KDM7A: variants seen among roughly 807,000 people sequenced by gnomAD.
The protein encoded by KDM7A is lysine demethylase 7A, also known as lysine-specific demethylase 7A.
A neutral mutation model predicts 114.8 loss-of-function variants in KDM7A; 28 were observed. That is an observed-to-expected ratio of 0.24 (90% confidence interval 0.18 to 0.33). The LOEUF (loss-of-function observed/expected upper bound fraction) is 0.33. Ranked by LOEUF, KDM7A falls within the 10% of genes least tolerant of loss-of-function variation. The pLI, the probability that KDM7A is intolerant of heterozygous loss-of-function variation, is 1.00. For missense variants in KDM7A, 942 were observed against 1,142.5 expected (o/e 0.82, Z 2.53); for synonymous variants, 423 against 397.8 (o/e 1.06, Z -0.75).
At chr7:140,101,925 T>G in intron 12 of KDM7A, 26 bp downstream of exon 12, 1 of 1,506,534 alleles carries the variant, frequency 6.6e-7, no homozygotes, top group East Asian at 2.3e-5. Context: ...AAGTTTCTTT[T>G]TGTTGTCATG....
intron 18 of KDM7A, among the ~76,000 whole-genome samples, chr7:140,092,588 C>T (rs1173572594): frequency 3.9e-5 from 6 of 151,984 alleles, no homozygotes; most frequent in Admixed American, 6.6e-5. Context: ...TTAAGACTAT[C>T]GAGTAAACTT....
chr7:140,128,584 T>C (rs79064200), intron 4 of KDM7A, among the ~76,000 whole-genome samples: 190 of 152,320 alleles, frequency 1.2e-3, no homozygotes, highest in African/African-American at 4.4e-3. Flanking sequence ...GGTTAATCCT[T>C]AGCCCCATCC....
intron 1 of KDM7A, among the ~76,000 whole-genome samples, chr7:140,173,592 C>T (rs1166545051): frequency 1.3e-5 from 2 of 152,102 alleles, no homozygotes; most frequent in Non-Finnish European, 2.9e-5. Flanking sequence ...CAAGAAATTA[C>T]CCAGGCAATG....
chr7:140,166,490 C>A (rs1221499847), intron 1 of KDM7A, among the ~76,000 whole-genome samples: 2 of 151,916 alleles, frequency 1.3e-5, no homozygotes, highest in East Asian at 3.9e-4. Flanking sequence ...CAGGCACTCC[C>A]CACAATGCCC....
Position 140,096,917 on chromosome 7 carries a change from C to T in KDM7A, c.2147G>A (p.Ser716Asn). The T allele has an allele frequency of 6.2e-7, 1 of 1,613,880 alleles. No homozygotes were observed. Among genetic ancestry groups the T allele is most frequent in the Non-Finnish European group, 8.5e-7 (1 of 1,179,876 alleles). ...FLQKSQKPSRSEIPIKRECPT... is the reference protein window; with the variant it reads ...FLQKSQKPSRNEIPIKRECPT... ...AGCCTACCTTTTAATTGGAATTTCACTTCTAGATGGCTTCTGGCTCTTTTG... is the reference window on the plus strand; with the variant it reads ...AGCCTACCTTTTAATTGGAATTTCATTTCTAGATGGCTTCTGGCTCTTTTG... Residue 716 changes from serine (S) to asparagine (N), a missense_variant, in exon 16 of 20, where the codon AGT (serine) becomes AAT (asparagine). Physicochemically the swap from Ser to Asn is conservative, Grantham distance 46. Transcript: ENST00000397560.
At chr7:140,128,779 G>A (rs896241592) in intron 4 of KDM7A, among the ~76,000 whole-genome samples, 2 of 152,142 alleles carry the variant, frequency 1.3e-5, no homozygotes, top group Non-Finnish European at 2.9e-5. Flanking sequence ...AATAGATTTG[G>A]AATCTAATCT....
rs539609193 is a variant in KDM7A at position 140,121,072 on chromosome 7, C to T, written c.1052-543G>A. 1.6e-4 allele frequency among the ~76,000 whole-genome samples: 24 copies of T among 152,222 alleles called. No homozygotes were observed. In the South Asian group the frequency reaches 2.7e-3, roughly 17 times the overall value. ...CCCTGGTGTCATCCTGAAATCAGTGCCCCGAAAGGACTAAGCAGAGGAGGA... is the reference window on the plus strand; with the variant it reads ...CCCTGGTGTCATCCTGAAATCAGTGTCCCGAAAGGACTAAGCAGAGGAGGA... On this transcript the variant is annotated intron_variant, in intron 7 of 19. Coordinates refer to ENST00000397560, the MANE Select transcript of KDM7A (RefSeq NM_030647.2).
chr7:140,138,938 G>C (rs1289861563), intron 2 of KDM7A, among the ~76,000 whole-genome samples, 167 bp downstream of exon 2: 1 of 152,018 alleles, frequency 6.6e-6, no homozygotes, highest in Non-Finnish European at 1.5e-5. Context: ...CTGACTTAAT[G>C]AAACAAAAAC....
chr7:140,154,713 T>C, intron 1 of KDM7A, among the ~76,000 whole-genome samples: 1 of 152,050 alleles, frequency 6.6e-6, no homozygotes, highest in Non-Finnish European at 1.5e-5. Flanking sequence ...TGATAAATAC[T>C]GTACCCAACC....
intron 1 of KDM7A, among the ~76,000 whole-genome samples, chr7:140,143,054 G>A (rs71543357): frequency 0.35 from 52,413 of 151,338 alleles, 9,339 homozygotes; most frequent in Middle Eastern, 0.43. Flanking sequence ...GGTGGTGGGC[G>A]CCTGTAGTCC....
intron 8 of KDM7A, among the ~76,000 whole-genome samples, chr7:140,119,475 C>A (rs900933631): frequency 2.0e-5 from 3 of 152,170 alleles, no homozygotes; most frequent in African/African-American, 7.2e-5. Flanking sequence ...GGATTTGTAT[C>A]CTGGTTTTAA....
intron 1 of KDM7A, among the ~76,000 whole-genome samples, chr7:140,167,595 A>C (rs1012374424): frequency 6.6e-6 from 1 of 152,100 alleles, no homozygotes; most frequent in East Asian, 1.9e-4. Flanking sequence ...TTTATATTTC[A>C]TATTATATAC....
chr7:140,131,244 C>T (rs547456702), intron 3 of KDM7A, among the ~76,000 whole-genome samples: 1 of 152,248 alleles, frequency 6.6e-6, no homozygotes, highest in Admixed American at 6.5e-5. Flanking sequence ...ATGATCAACA[C>T]GTTACAGGCA....
chr7:140,095,133 C>T (rs987833661), intron 17 of KDM7A, among the ~76,000 whole-genome samples: 5 of 152,232 alleles, frequency 3.3e-5, no homozygotes, highest in Non-Finnish European at 7.3e-5. Flanking sequence ...CTGGCGTGAA[C>T]CACTGCGCCC....
At chr7:140,132,376 TTG>T (rs1480214497) in intron 3 of KDM7A, among the ~76,000 whole-genome samples, 1 of 146,848 alleles carries the variant, frequency 6.8e-6, no homozygotes, top group Non-Finnish European at 1.5e-5. Context: ...CACTACATTT[TTG>T]TGTCAGAAAC....
At chr7:140,100,739 TATAC>T (rs1562946171) in intron 12 of KDM7A, among the ~76,000 whole-genome samples, 65 of 50,208 alleles carry the variant, frequency 1.3e-3, no homozygotes, top group African/African-American at 4.2e-3. Flanking sequence ...TATATATATA[TATAC>T]ATATATATTT....
rs116444982 is a variant in KDM7A, at chr7:140,098,791, C to G, written c.1918+88G>C. The stretch of plus-strand genomic sequence containing the variant: ...CACAAAAGTTTTCTGCTATTTTAAA[C>G]TTAAGAACTTCAAAATTAGCAAGTT... On this transcript the variant is annotated intron_variant, in intron 14 of 19. Transcript: ENST00000397560. The G allele has an allele frequency of 2.8e-4, 334 of 1,191,124 alleles. 4 individuals are homozygous for G. In the African/African-American group the frequency reaches 4.8e-3, roughly 17 times the overall value. The allele number at this position is 1,191,124 out of a possible 1,614,324, so 73.8% of individuals were successfully genotyped here.
At position 140,176,856 on chromosome 7, in the gene KDM7A, G is replaced by A. The variant is rs761919650; in HGVS notation, c.82C>T (p.Arg28Trp). The A allele has an allele frequency of 3.1e-6, 4 of 1,289,120 alleles. No homozygotes were observed. The highest frequency in any genetic ancestry group is 2.2e-4 in the Middle Eastern group (1 of 4,478). The allele number at this position is 1,289,120 out of a possible 1,614,324, so 79.9% of individuals were successfully genotyped here. Residue 28 changes from arginine to tryptophan, a missense_variant, in exon 1 of 20, where the codon CGG becomes TGG. Physicochemically the swap from Arg to Trp is moderately radical, Grantham distance 101. Transcript: ENST00000397560. The surrounding 1 kb of genome is among the most constrained non-coding windows in gnomAD (Gnocchi z 4.4). ...AAAVSVAAPG[R>W]ASAPPPPPPV... Reference sequence around the variant, plus strand: ...GGGGGCGGCGGAGGCGCCGAGGCCCGGCCGGGAGCCGCCACCGACACGGCT... The same window carrying A: ...GGGGGCGGCGGAGGCGCCGAGGCCCAGCCGGGAGCCGCCACCGACACGGCT...
chr7:140,159,272 G>A lies in KDM7A; in HGVS notation c.194+17472C>T, dbSNP rs183103918. ...TGAGGCAGGAGAATCACTTGAACCCGGGAGGTGGAGATTGCAGTGAGCCGA... is the reference window on the plus strand; with the variant it reads ...TGAGGCAGGAGAATCACTTGAACCCAGGAGGTGGAGATTGCAGTGAGCCGA... On this transcript the variant is annotated intron_variant, in intron 1 of 19. Transcript: ENST00000397560. 1.5e-4 allele frequency among the ~76,000 whole-genome samples: 23 copies of A among 152,250 alleles called. 1 individual carries two copies. Among genetic ancestry groups the A allele is most frequent in the African/African-American group, 3.9e-4 (16 of 41,536 alleles).
Sources: gnomAD v4.1 joint callset for allele counts (sites outside exome capture counted in the v4.1 genomes callset) on GRCh38, gnomAD v4.1.1 for gene constraint, Gnocchi (gnomAD v3.1) non-coding constraint, MANE v1.5 for transcripts, NCBI Gene and HGNC (gene_info 2026-07-23, HGNC 2026-07-21) for gene names.